ILDR1: variants seen among roughly 807,000 people sequenced by gnomAD.
The protein encoded by ILDR1 is immunoglobulin like domain containing receptor 1, also known as immunoglobulin-like domain-containing receptor 1.
A neutral mutation model predicts 62.4 loss-of-function variants in ILDR1; 56 were observed. The observed-to-expected ratio is 0.90, with a 90% confidence interval of 0.72 to 1.12. ILDR1 has a LOEUF of 1.12. Among genes scored for constraint, ILDR1 ranks in the 50% most tolerant of loss-of-function variants. ILDR1 has a pLI of 0.00. For missense variants in ILDR1, 736 were observed against 710.6 expected (o/e 1.04, Z -0.41); for synonymous variants, 284 against 277.8 (o/e 1.02, Z -0.22).
intron 1 of ILDR1, 53 bp from the exon 2 acceptor site, chr3:122,007,214 T>C: frequency 6.2e-7 from 1 of 1,612,618 alleles, no homozygotes; most frequent in Non-Finnish European, 8.5e-7. Context: ...TGCTCATGGG[T>C]AAGAAAAACA....
chr3:122,044,793 T>C, the ILDR1 span, among the ~76,000 whole-genome samples: 1 of 152,182 alleles, frequency 6.6e-6, no homozygotes, highest in Non-Finnish European at 1.5e-5. Context: ...TTGTGTCTAT[T>C]TGATTCTTCT....
the ILDR1 span, among the ~76,000 whole-genome samples, chr3:122,050,822 G>T: frequency 6.6e-6 from 1 of 152,004 alleles, no homozygotes; most frequent in Non-Finnish European, 1.5e-5. Flanking sequence ...TTCTTGAAAG[G>T]CAACTCTAGT....
At chr3:121,996,406 C>T (rs762207371) in intron 5 of ILDR1, among the ~76,000 whole-genome samples, 1 of 152,210 alleles carries the variant, frequency 6.6e-6, no homozygotes, top group African/African-American at 2.4e-5. Context: ...CAGGGTCTCA[C>T]CCTTCCTTCT....
chr3:122,025,152 T>C (rs2071909682), upstream of ILDR1: 1 of 152,208 alleles, frequency 6.6e-6, no homozygotes, highest in African/African-American at 2.4e-5. Context: ...AGCTACCATG[T>C]ATTAAACACA....
chr3:122,024,757 A>G (rs2071906673), upstream of ILDR1, among the ~76,000 whole-genome samples: 1 of 152,254 alleles, frequency 6.6e-6, no homozygotes, highest in African/African-American at 2.4e-5. Context: ...CAATGTTACG[A>G]TGCTGGTAAA....
chr3:122,061,578 T>C, the ILDR1 span, among the ~76,000 whole-genome samples: 1 of 151,878 alleles, frequency 6.6e-6, no homozygotes, highest in Non-Finnish European at 1.5e-5. Context: ...CCAAAGAAAA[T>C]ATACAGATGG....
upstream of ILDR1, among the ~76,000 whole-genome samples, chr3:122,026,581 A>G (rs971525420): frequency 1.1e-4 from 16 of 152,198 alleles, no homozygotes; most frequent in Admixed American, 5.9e-4. Flanking sequence ...TAAAACTCCT[A>G]AGGATGGTTG....
chr3:122,054,807 T>C, the ILDR1 span, among the ~76,000 whole-genome samples: 1 of 152,188 alleles, frequency 6.6e-6, no homozygotes, highest in East Asian at 1.9e-4. Flanking sequence ...CTGCCTTTTT[T>C]TCAGACTTCT....
chr3:122,019,060 A>C (rs894746031), intron 1 of ILDR1, among the ~76,000 whole-genome samples: 1 of 152,078 alleles, frequency 6.6e-6, no homozygotes, highest in African/African-American at 2.4e-5. Flanking sequence ...CTGTGATGTT[A>C]AAAAAAATTC....
intron 5 of ILDR1, among the ~76,000 whole-genome samples, chr3:121,996,970 G>A (rs1052143607): frequency 6.6e-6 from 1 of 152,078 alleles, no homozygotes; most frequent in African/African-American, 2.4e-5. Context: ...GCACGATCTC[G>A]GCTCACTGCA....
chr3:122,012,704 C>T (rs1161737440), intron 1 of ILDR1, among the ~76,000 whole-genome samples: 2 of 152,182 alleles, frequency 1.3e-5, no homozygotes, highest in Non-Finnish European at 2.9e-5. Context: ...GAGCCTGGCA[C>T]ATATAGACAT....
intron 1 of ILDR1, among the ~76,000 whole-genome samples, chr3:122,021,001 C>T (rs888234088): frequency 1.3e-5 from 2 of 152,140 alleles, no homozygotes; most frequent in South Asian, 2.1e-4. Flanking sequence ...CTGAGAAATT[C>T]GTTATGTCTT....
chr3:122,057,651 A>T, the ILDR1 span, among the ~76,000 whole-genome samples: 4 of 152,216 alleles, frequency 2.6e-5, no homozygotes, highest in Non-Finnish European at 4.4e-5. Flanking sequence ...CAGAGAAGTA[A>T]CCATCTAGTG....
intron 1 of ILDR1, 71 bp from the exon 2 acceptor site, chr3:122,007,232 TG>T: frequency 6.2e-7 from 1 of 1,607,876 alleles, no homozygotes; most frequent in South Asian, 1.1e-5. Context: ...ACAATGCAAA[TG>T]GGCAAAAGAT....
chr3:122,028,557 G>C, the ILDR1 span, among the ~76,000 whole-genome samples: 1 of 152,082 alleles, frequency 6.6e-6, no homozygotes, highest in Admixed American at 6.6e-5. Context: ...AGGCAAAAAA[G>C]TTATAATTGG....
At chr3:122,049,439 G>A in the ILDR1 span, among the ~76,000 whole-genome samples, 1 of 152,162 alleles carries the variant, frequency 6.6e-6, no homozygotes, top group Non-Finnish European at 1.5e-5. Context: ...TTGATCTTTT[G>A]TCTAGATGTT....
the ILDR1 span, among the ~76,000 whole-genome samples, chr3:122,038,263 A>G: frequency 6.6e-6 from 1 of 152,326 alleles, no homozygotes; most frequent in East Asian, 1.9e-4. Flanking sequence ...CAAGAGACAA[A>G]TTCATTCTGT....
At chr3:122,033,477 G>T in the ILDR1 span, among the ~76,000 whole-genome samples, 7 of 151,930 alleles carry the variant, frequency 4.6e-5, no homozygotes, top group South Asian at 1.5e-3. Flanking sequence ...TTGATAAACA[G>T]ATATTTTTAT....
chr3:122,032,163 T>G, the ILDR1 span, among the ~76,000 whole-genome samples: 1 of 152,214 alleles, frequency 6.6e-6, no homozygotes, highest in African/African-American at 2.4e-5. Context: ...TAACCACCAT[T>G]TTGACTTCTT....
Sources: gnomAD v4.1 joint callset for allele counts (sites outside exome capture counted in the v4.1 genomes callset) on GRCh38, gnomAD v4.1.1 for gene constraint, MANE v1.5 for transcripts, NCBI Gene and HGNC (gene_info 2026-07-23, HGNC 2026-07-21) for gene names.